Variants in MYO16 observed in about 807,000 individuals in gnomAD.
The protein encoded by MYO16 is myosin XVI.
MYO16 carries 94 observed loss-of-function variants against 205.3 expected under a neutral mutation model. The ratio of observed to expected loss-of-function variants is 0.46; its 90% CI spans 0.39 to 0.54. The LOEUF (loss-of-function observed/expected upper bound fraction) is 0.54. Among genes scored for constraint, MYO16 ranks in the 20% least tolerant of loss-of-function variants. MYO16 has a pLI of 0.00. For missense variants in MYO16, 2,315 were observed against 2,387.5 expected, an observed-to-expected ratio of 0.97 and a Z score of 0.63; for synonymous variants, 988 against 954.0, an observed-to-expected ratio of 1.04 and a Z score of -0.66.
chr13:109,052,247 G>A, intron 24 of MYO16, 53 bp from the exon 25 acceptor site: 1 of 1,480,988 alleles, frequency 6.8e-7, no homozygotes, highest in Non-Finnish European at 9.4e-7. Context: ...TAAGTTCAAT[G>A]CTTAAGTAAT....
Position 108,703,140 on chromosome 13 carries a change from T to TA in MYO16, c.293-9521_293-9520insA, listed in dbSNP as rs398099170. The stretch of plus-strand genomic sequence containing the variant: ...ACTCAAAAGGCAGAGATTAGCAGAA[T>TA]GATTAAAAAGTCATCCAGCTATATT... On this transcript the variant is annotated intron_variant, in intron 2 of 34. Transcript: ENST00000457511. 2.9e-3 allele frequency among the ~76,000 whole-genome samples: 25 copies of TA among 8,478 alleles called. No individual in the cohort carries two copies. The Admixed American group carries it at 0.048, about 16-fold the overall frequency. The allele number at this position is 8,478 out of a possible 152,430, so 5.6% of individuals were successfully genotyped here.
chr13:108,572,661 C>T, the MYO16 span, among the ~76,000 whole-genome samples: 6 of 152,138 alleles, frequency 3.9e-5, no homozygotes, highest in South Asian at 2.1e-4. Context: ...GTTCCTTTAT[C>T]GTTTTTTTGT....
At chr13:109,043,847 C>G (rs1428294248) in intron 23 of MYO16, among the ~76,000 whole-genome samples, 1 of 152,212 alleles carries the variant, frequency 6.6e-6, no homozygotes, top group African/African-American at 2.4e-5. Context: ...TCAGAGATTT[C>G]AAGTGAGAGA....
At chr13:108,803,768 T>A (rs146290729) in intron 6 of MYO16, among the ~76,000 whole-genome samples, 100 of 152,214 alleles carry the variant, frequency 6.6e-4, no homozygotes, top group African/African-American at 2.3e-3. Context: ...GGAGGCAATA[T>A]GCCACATTTA....
chr13:109,064,604 T>C lies in MYO16; in HGVS notation c.3335+9009T>C, dbSNP rs550614266. The stretch of plus-strand genomic sequence containing the variant: ...AGCTCAAACCAGCTCCAATCTTTGT[T>C]GTTATTATTATTGTTTTTGTTTTTA... On this transcript the variant is annotated intron_variant, in intron 27 of 34. Transcript: ENST00000457511. Among the ~76,000 whole-genome samples, 323 of 152,296 alleles carry C rather than the reference T, an allele frequency of 2.1e-3. 2 individuals carry two copies. Among genetic ancestry groups the C allele is most frequent in the African/African-American group, 7.7e-3 (319 of 41,566 alleles).
In MYO16 at chr13:108,898,111, G is replaced by A. The variant is rs922929604; in HGVS notation, c.1755G>A (p.Glu585=). The A allele has an allele frequency of 2.5e-6, 4 of 1,612,700 alleles. No individual in the cohort carries two copies. The highest frequency in any genetic ancestry group is 1.7e-5 in the Admixed American group (1 of 59,992). The change falls in exon 15 of 35, where the codon GAG becomes GAA. Residue 585 remains glutamate (E), a synonymous_variant. Coordinates refer to ENST00000457511, the MANE Select transcript of MYO16 (RefSeq NM_001198950.3). ...FIKYFELQFC[E]RKQQLTGARI... is the part of the protein sequence containing the mutation. ...AGTATTTTGAACTGCAGTTCTGTGAGAGGAAACAACAGCTAACCGGAGGTA... is the reference window on the plus strand; with the variant it reads ...AGTATTTTGAACTGCAGTTCTGTGAAAGGAAACAACAGCTAACCGGAGGTA...
chr13:108,859,553 T>C (rs1878355792), intron 11 of MYO16, among the ~76,000 whole-genome samples: 1 of 152,142 alleles, frequency 6.6e-6, no homozygotes, highest in African/African-American at 2.4e-5. Context: ...TAACCTTCTA[T>C]TTGGACGTTA....
At chr13:109,046,034 G>A (rs373425515) in intron 23 of MYO16, among the ~76,000 whole-genome samples, 27 of 142,580 alleles carry the variant, frequency 1.9e-4, no homozygotes, top group Non-Finnish European at 2.7e-4. Flanking sequence ...GCGGATCCTC[G>A]CCCTCCCTCA....
At chr13:108,993,613 A>G (rs981411030) in intron 21 of MYO16, among the ~76,000 whole-genome samples, 3 of 152,188 alleles carry the variant, frequency 2.0e-5, no homozygotes, top group Non-Finnish European at 2.9e-5. Context: ...TTGAACTAGA[A>G]CTATAGAGGC....
At chr13:108,755,318 C>A (rs905085801) in intron 4 of MYO16, among the ~76,000 whole-genome samples, 1 of 152,088 alleles carries the variant, frequency 6.6e-6, no homozygotes, top group Non-Finnish European at 1.5e-5. Flanking sequence ...AGAGCAGACA[C>A]AGACTGAAAT....
At position 109,140,407 on chromosome 13, in the gene MYO16, G is replaced by A; in HGVS notation, c.4195G>A (p.Ala1399Thr). 6.3e-7 allele frequency: 1 copy of A among 1,585,534 alleles called. No homozygotes were observed. Among genetic ancestry groups the A allele is most frequent in the East Asian group, 2.3e-5 (1 of 43,514 alleles). The change falls in exon 32 of 35, where the codon GCG becomes ACG. Residue 1399 changes from alanine (A) to threonine (T), a missense_variant. This residue lies in a region of MYO16 where 1,097 missense variants were observed against 1,092.0 expected (regional missense o/e 1.00). Coordinates refer to ENST00000457511, the MANE Select transcript of MYO16 (RefSeq NM_001198950.3). This position sits in a 1 kb window ranked among gnomAD's most constrained non-coding sequence, Gnocchi z 8.0. ...GTCCCGGCCCGGGGACGCGAGGCCC[G>A]CGGGCGCCCCGGGGGCAGCAGCGCG... ...SGSRPGDARPAGAPGAAARVL... is the reference protein window; with the variant it reads ...SGSRPGDARPTGAPGAAARVL...
At chr13:108,821,204 T>G (rs1020869429) in intron 8 of MYO16, among the ~76,000 whole-genome samples, 5 of 152,004 alleles carry the variant, frequency 3.3e-5, no homozygotes, top group African/African-American at 1.2e-4. Flanking sequence ...TGTACTTTAC[T>G]TTTGAGATTT....
intron 28 of MYO16, among the ~76,000 whole-genome samples, chr13:109,109,554 G>A (rs1306601658): frequency 6.6e-6 from 1 of 150,530 alleles, no homozygotes; most frequent in Non-Finnish European, 1.5e-5. Context: ...AGCCATGGTG[G>A]ATGGGACAAG....
At chr13:108,718,571 C>T (rs1453273195) in intron 3 of MYO16, among the ~76,000 whole-genome samples, 3 of 151,872 alleles carry the variant, frequency 2.0e-5, no homozygotes, top group East Asian at 2.0e-4. Context: ...GGAAAGAGAG[C>T]GGGCACAGCC....
intron 27 of MYO16, among the ~76,000 whole-genome samples, chr13:109,065,263 C>T (rs957659374): frequency 2.0e-5 from 3 of 152,142 alleles, no homozygotes; most frequent in Admixed American, 6.5e-5. Context: ...TTCATCAAAG[C>T]ACTTGAAACC....
At chr13:108,708,062 AG>A (rs1377139731) in intron 2 of MYO16, among the ~76,000 whole-genome samples, 2 of 152,144 alleles carry the variant, frequency 1.3e-5, no homozygotes, top group Non-Finnish European at 2.9e-5. Flanking sequence ...ACAGAGGGTG[AG>A]GGGGTGATAA....
chr13:108,697,719 C>CTTTTTCT (rs1883142774), intron 2 of MYO16, among the ~76,000 whole-genome samples: 1 of 151,746 alleles, frequency 6.6e-6, no homozygotes, highest in African/African-American at 2.4e-5. Context: ...CTTTTTCTTT[C>CTTTTTCT]TTTTTCTTTT....
chr13:108,868,254 A>G (rs1878826790), intron 12 of MYO16, among the ~76,000 whole-genome samples: 1 of 152,212 alleles, frequency 6.6e-6, no homozygotes, highest in Admixed American at 6.5e-5. Flanking sequence ...AGGTATATCT[A>G]CAACTTAATA....
intron 15 of MYO16, among the ~76,000 whole-genome samples, chr13:108,902,613 C>A (rs1270353871): frequency 2.6e-5 from 4 of 152,174 alleles, no homozygotes; most frequent in Non-Finnish European, 5.9e-5. Flanking sequence ...GGGGGGACCT[C>A]CCCTGCCCAT....
Sources: gnomAD v4.1 joint callset for allele counts (sites outside exome capture counted in the v4.1 genomes callset) on GRCh38, gnomAD v4.1.1 for gene constraint, gnomAD v4.1.1 regional missense constraint, Gnocchi (gnomAD v3.1) non-coding constraint, MANE v1.5 for transcripts, NCBI Gene and HGNC (gene_info 2026-07-23, HGNC 2026-07-21) for gene names.